The following NCOA3 variants were observed in gnomAD, a reference collection of about 807,000 sequenced individuals.
NCOA3 encodes CBP-interacting protein.
In NCOA3, 51 loss-of-function variants were observed where a neutral mutation model predicts 158.8. The observed-to-expected ratio is 0.32, with a 90% CI of 0.26 to 0.41. The LOEUF is 0.41. Among genes scored for constraint, NCOA3 ranks in the 10% least tolerant of loss-of-function variants. The probability of loss-of-function intolerance (pLI) is 1.00; values close to 1 mark genes in which losing one functional copy is unlikely to be tolerated. For missense variants in NCOA3, 1,510 were observed against 1,746.6 expected, an observed-to-expected ratio of 0.86 and a Z score of 2.41; for synonymous variants, 537 against 592.4, an observed-to-expected ratio of 0.91 and a Z score of 1.36.
At chr20:47,649,468 TA>T (rs1308180548) in intron 19 of NCOA3, among the ~76,000 whole-genome samples, 1 of 152,160 alleles carries the variant, frequency 6.6e-6, no homozygotes, top group African/African-American at 2.4e-5. Flanking sequence ...GCACACTGGG[TA>T]AAATTCTGAA....
intron 2 of NCOA3, among the ~76,000 whole-genome samples, chr20:47,583,817 A>G (rs796633633): frequency 3.3e-5 from 5 of 152,250 alleles, no homozygotes; most frequent in African/African-American, 1.2e-4. Flanking sequence ...CTAGCCAGAC[A>G]TAGTGGCCTG....
chr20:47,604,522 T>C (rs572044529), intron 2 of NCOA3, among the ~76,000 whole-genome samples: 13 of 152,366 alleles, frequency 8.5e-5, no homozygotes, highest in Non-Finnish European at 1.8e-4. Flanking sequence ...CTTTTCAAAT[T>C]ATTTATAATT....
At position 47,532,110 on chromosome 20, in the gene NCOA3, T is replaced by TTGTGTGTGTGTGTGTGTGTG. The variant is rs11474538; in HGVS notation, c.-99+30101_-99+30120dup. 6.4e-3 allele frequency among the ~76,000 whole-genome samples: 937 copies of TTGTGTGTGTGTGTGTGTGTG among 147,476 alleles called. 10 individuals carry two copies. The highest frequency in any genetic ancestry group is 0.019 in the African/African-American group (762 of 39,324). On this transcript the variant is annotated intron_variant, in intron 1 of 22. Transcript: ENST00000371998. ...AAAATAAAACTTTGTAGGGGGGGAC[T>TTGTGTGTGTGTGTGTGTGTG]TGTGTGTGTGTGTGTGTGTGTGTGT...
At chr20:47,565,620 G>A (rs747822923) in intron 1 of NCOA3, among the ~76,000 whole-genome samples, 1 of 152,072 alleles carries the variant, frequency 6.6e-6, no homozygotes. Context: ...GAAAGCTGAG[G>A]CAGGAGGATC....
intron 1 of NCOA3, among the ~76,000 whole-genome samples, chr20:47,532,826 G>T (rs981633251): frequency 2.0e-5 from 3 of 151,944 alleles, no homozygotes; most frequent in Non-Finnish European, 2.9e-5. Flanking sequence ...TCATTTGGCT[G>T]GGCACGGTGG....
intron 2 of NCOA3, among the ~76,000 whole-genome samples, chr20:47,589,678 T>A (rs1397233997): frequency 2.0e-5 from 3 of 152,150 alleles, no homozygotes; most frequent in Non-Finnish European, 4.4e-5. Context: ...CCTGGCTGAC[T>A]TGAACTTTTA....
Position 47,629,631 on chromosome 20 carries a change from G to C in NCOA3, c.823+1608G>C, listed in dbSNP as rs118092451. On this transcript the variant is annotated intron_variant, in intron 8 of 22. Transcript: ENST00000371998. ...CAGGCATGAGCCACCATGCCCGGCT[G>C]TATGTTACTTTATATTTGAACATTT... 3.6e-3 allele frequency among the ~76,000 whole-genome samples: 555 copies of C among 152,154 alleles called. 27 individuals are homozygous for C. In the East Asian group the frequency reaches 0.084, roughly 23 times the overall value.
At chr20:47,525,595 G>A (rs1311502388) in intron 1 of NCOA3, among the ~76,000 whole-genome samples, 5 of 141,730 alleles carry the variant, frequency 3.5e-5, no homozygotes, top group Non-Finnish European at 6.1e-5. Flanking sequence ...TGGACGGGGC[G>A]GCTGGCCGGG....
chr20:47,627,228 A>G, intron 6 of NCOA3, 52 bp downstream of exon 6: 2 of 1,399,986 alleles, frequency 1.4e-6, no homozygotes, highest in Non-Finnish European at 1.9e-6. Flanking sequence ...TTCCTTGACC[A>G]TTTCTTAGAA....
intron 3 of NCOA3, 60 bp from the exon 4 acceptor site, chr20:47,623,851 G>A: frequency 6.7e-7 from 1 of 1,491,678 alleles, no homozygotes; most frequent in Non-Finnish European, 9.1e-7. Flanking sequence ...TCTGCTAACA[G>A]CTCTTTTGTG....
intron 1 of NCOA3, among the ~76,000 whole-genome samples, chr20:47,509,643 C>T (rs540850800): frequency 7.9e-5 from 12 of 152,186 alleles, no homozygotes; most frequent in African/African-American, 2.6e-4. Flanking sequence ...TGCAGTGGCT[C>T]CTGCCTGTAA....
At chr20:47,596,468 A>AT (rs1430906347) in intron 2 of NCOA3, among the ~76,000 whole-genome samples, 2 of 152,140 alleles carry the variant, frequency 1.3e-5, no homozygotes, top group Non-Finnish European at 2.9e-5. Context: ...TGCAATGATC[A>AT]TTTTTTGTAT....
In NCOA3 at chr20:47,569,235, T is replaced by G. The variant is rs567459393; in HGVS notation, c.-98-13948T>G. On this transcript the variant is annotated intron_variant, in intron 1 of 22. Coordinates refer to ENST00000371998, the MANE Select transcript of NCOA3 (RefSeq NM_181659.3). The stretch of plus-strand genomic sequence containing the variant: ...GGTGGCATGCGCCTGTAGTCCCAGC[T>G]ACTCGGGAGGCTGAGGTGGGAGGAC... Among the ~76,000 whole-genome samples, 17 of 151,542 alleles carry G rather than the reference T, an allele frequency of 1.1e-4. No homozygotes were observed. In the East Asian group the frequency reaches 3.0e-3, roughly 26 times the overall value.
chr20:47,594,664 C>CAAAAAAAAAAA lies in NCOA3; in HGVS notation c.-20+11424_-20+11434dup, dbSNP rs377014290. Among the ~76,000 whole-genome samples, 142 of 72,944 alleles carry CAAAAAAAAAAA rather than the reference C, an allele frequency of 1.9e-3. 2 individuals are homozygous for CAAAAAAAAAAA. The highest frequency in any genetic ancestry group is 2.9e-3 in the Non-Finnish European group (119 of 40,716). 47.9% of individuals were successfully genotyped at this position (72,944 alleles called of 152,430 possible). On this transcript the variant is annotated intron_variant, in intron 2 of 22. Coordinates refer to ENST00000371998, the MANE Select transcript of NCOA3 (RefSeq NM_181659.3). Reference sequence around the variant, plus strand: ...TGGGCGACAGAGCGAGACTCTGTCTCAAAAAAAAAAAAAAAAAAAAAAAAA... The same window carrying CAAAAAAAAAAA: ...TGGGCGACAGAGCGAGACTCTGTCTCAAAAAAAAAAAAAAAAAAAAAAAAAAAAAAAAAAAA...
rs1355297954 is a variant in NCOA3 at position 47,570,935 on chromosome 20, T to TACAC, written c.-98-12247_-98-12246insCACA. On this transcript the variant is annotated intron_variant, in intron 1 of 22. Coordinates refer to ENST00000371998, the MANE Select transcript of NCOA3 (RefSeq NM_181659.3). The stretch of plus-strand genomic sequence containing the variant: ...CGTGCACCGTTAATGAGCAGTAATA[T>TACAC]ATATACACACACACACACACACACA... Among the ~76,000 whole-genome samples, 306 of 56,906 alleles carry TACAC rather than the reference T, an allele frequency of 5.4e-3. 1 individual carries two copies. Among genetic ancestry groups the TACAC allele is most frequent in the Middle Eastern group, 0.012 (1 of 82 alleles). The allele number at this position is 56,906 out of a possible 152,430, so 37.3% of individuals were successfully genotyped here.
intron 10 of NCOA3, among the ~76,000 whole-genome samples, chr20:47,634,736 A>G (rs1410432113): frequency 1.3e-5 from 2 of 152,156 alleles, no homozygotes; most frequent in Non-Finnish European, 2.9e-5. Context: ...GGTCTCACTC[A>G]TAGATTCTGT....
At chr20:47,650,844 C>CAG (rs1170176570) in intron 19 of NCOA3, 138 bp from the exon 20 acceptor site, 8 of 814,462 alleles carry the variant, frequency 9.8e-6, no homozygotes, top group Non-Finnish European at 1.4e-5. Flanking sequence ...GCCTGGGCGA[C>CAG]AGAGTGAGAC....
intron 13 of NCOA3, 121 bp downstream of exon 13, chr20:47,637,904 T>G: frequency 5.7e-6 from 5 of 875,200 alleles, no homozygotes. Context: ...ACATATATTC[T>G]GCCTCTGTTT....
chr20:47,548,943 G>C (rs1294544230), intron 1 of NCOA3, among the ~76,000 whole-genome samples: 3 of 152,204 alleles, frequency 2.0e-5, no homozygotes, highest in Non-Finnish European at 1.5e-5. Context: ...AATTAATAGT[G>C]AATTATTATT....
Sources: gnomAD v4.1 joint callset for allele counts (sites outside exome capture counted in the v4.1 genomes callset) on GRCh38, gnomAD v4.1.1 for gene constraint, MANE v1.5 for transcripts, NCBI Gene and HGNC (gene_info 2026-07-23, HGNC 2026-07-21) for gene names.